The following PREX1 variants were observed in gnomAD, a reference collection of about 807,000 sequenced individuals.
The protein encoded by PREX1 is phosphatidylinositol-3,4,5-trisphosphate dependent Rac exchange factor 1.
In PREX1, 41 loss-of-function variants were observed where a neutral mutation model predicts 198.3. The observed-to-expected ratio is 0.21, with a 90% CI of 0.16 to 0.27. PREX1 has a LOEUF of 0.27. PREX1 is among the 10% of genes least tolerant of loss of function. The probability of loss-of-function intolerance (pLI) is 1.00; values close to 1 mark genes in which losing one functional copy is unlikely to be tolerated. For missense variants in PREX1, 1,620 were observed against 2,200.7 expected (o/e 0.74, Z 5.28); for synonymous variants, 843 against 887.2 (o/e 0.95, Z 0.89).
intron 29 of PREX1, among the ~76,000 whole-genome samples, chr20:48,640,904 T>C (rs189709406): frequency 6.9e-6 from 1 of 144,204 alleles, no homozygotes; most frequent in Admixed American, 6.9e-5. Context: ...GGTGGGTGGA[T>C]GGATAGATGG....
At chr20:48,804,361 T>C (rs1013097225) in intron 1 of PREX1, among the ~76,000 whole-genome samples, 1 of 151,368 alleles carries the variant, frequency 6.6e-6, no homozygotes, top group Non-Finnish European at 1.5e-5. Flanking sequence ...AGGGGGAGCA[T>C]GGGAGGAGGG....
At chr20:48,651,144 A>G in intron 22 of PREX1, 89 bp from the exon 23 acceptor site, 6 of 1,488,618 alleles carry the variant, frequency 4.0e-6, no homozygotes, top group Non-Finnish European at 5.4e-6. Flanking sequence ...TACTACTCGT[A>G]ATACCCCCCG....
At chr20:48,857,547 G>T in the PREX1 span, among the ~76,000 whole-genome samples, 5 of 150,872 alleles carry the variant, frequency 3.3e-5, no homozygotes, top group Non-Finnish European at 5.9e-5. Flanking sequence ...AAAAAAACCA[G>T]CCTTGAGCTC....
At chr20:48,789,755 T>G (rs1160439431) in intron 1 of PREX1, among the ~76,000 whole-genome samples, 1 of 152,206 alleles carries the variant, frequency 6.6e-6, no homozygotes, top group Non-Finnish European at 1.5e-5. Context: ...GGTATTTGAA[T>G]ATTATACAAA....
At chr20:48,834,013 G>A in the PREX1 span, among the ~76,000 whole-genome samples, 5 of 151,960 alleles carry the variant, frequency 3.3e-5, no homozygotes, top group Non-Finnish European at 5.9e-5. Context: ...CCCGGGAGGC[G>A]GAGATTGCAG....
chr20:48,672,505 C>T (rs2089682136), intron 14 of PREX1, among the ~76,000 whole-genome samples: 1 of 152,256 alleles, frequency 6.6e-6, no homozygotes, highest in East Asian at 1.9e-4. Flanking sequence ...ACACACACTG[C>T]TCCTGTACTC....
intron 7 of PREX1, among the ~76,000 whole-genome samples, chr20:48,699,080 G>A (rs529668470): frequency 2.8e-4 from 42 of 152,282 alleles, no homozygotes; most frequent in African/African-American, 9.1e-4. Flanking sequence ...GGAGGACAGT[G>A]GGAAGCCCAC....
intron 15 of PREX1, among the ~76,000 whole-genome samples, chr20:48,664,190 C>A (rs560199383): frequency 1.3e-5 from 2 of 152,134 alleles, no homozygotes; most frequent in Non-Finnish European, 2.9e-5. Context: ...CTGGCTAACA[C>A]GGTGAAATGC....
intron 1 of PREX1, among the ~76,000 whole-genome samples, chr20:48,780,122 G>A (rs1258442359): frequency 1.3e-5 from 2 of 152,216 alleles, no homozygotes; most frequent in Non-Finnish European, 2.9e-5. Flanking sequence ...TATAGATTGT[G>A]TAAGTGTCTA....
intron 5 of PREX1, among the ~76,000 whole-genome samples, chr20:48,716,390 C>A (rs573432421): frequency 5.6e-4 from 85 of 152,324 alleles, no homozygotes; most frequent in Admixed American, 1.2e-3. Context: ...GTCATCAGCT[C>A]CCAGCATGGC....
At chr20:48,722,284 G>A (rs2089989791) in intron 5 of PREX1, among the ~76,000 whole-genome samples, 1 of 152,202 alleles carries the variant, frequency 6.6e-6, no homozygotes, top group Non-Finnish European at 1.5e-5. Context: ...CCACAAAAAG[G>A]AAGGAGGCAC....
At chr20:48,826,352 C>T (rs898187758) in intron 1 of PREX1, among the ~76,000 whole-genome samples, 4 of 152,182 alleles carry the variant, frequency 2.6e-5, no homozygotes, top group African/African-American at 9.7e-5. Flanking sequence ...CCTCCACCCG[C>T]TGGCCACTTT....
At chr20:48,678,761 A>AT (rs1337025346) in intron 13 of PREX1, among the ~76,000 whole-genome samples, 1 of 152,344 alleles carries the variant, frequency 6.6e-6, no homozygotes, top group African/African-American at 2.4e-5. Flanking sequence ...TCCACGATTG[A>AT]GAGGCCTCCC....
intron 18 of PREX1, 81 bp from the exon 19 acceptor site, chr20:48,655,456 G>T: frequency 8.2e-7 from 1 of 1,216,812 alleles, no homozygotes; most frequent in Non-Finnish European, 1.1e-6. Context: ...CCAACCCAGA[G>T]ACTTTCTGCC....
intron 32 of PREX1, among the ~76,000 whole-genome samples, chr20:48,634,998 G>A (rs1406990689): frequency 1.3e-5 from 2 of 152,130 alleles, no homozygotes; most frequent in East Asian, 3.9e-4. Flanking sequence ...TTAATTCACT[G>A]AGTGATCCTA....
intron 10 of PREX1, among the ~76,000 whole-genome samples, chr20:48,687,502 C>T (rs2089792111): frequency 1.3e-5 from 2 of 152,262 alleles, no homozygotes; most frequent in Admixed American, 6.5e-5. Context: ...TCAAGCCTGG[C>T]CCACACAACC....
At chr20:48,696,614 T>TACAC (rs748739044) in intron 7 of PREX1, among the ~76,000 whole-genome samples, 1,423 of 76,024 alleles carry the variant, frequency 0.019, 9 homozygotes, top group Non-Finnish European at 0.026. Flanking sequence ...CACACATACA[T>TACAC]ACATACATAC....
chr20:48,767,669 T>G (rs2090215199), intron 1 of PREX1, among the ~76,000 whole-genome samples: 1 of 152,192 alleles, frequency 6.6e-6, no homozygotes, highest in Non-Finnish European at 1.5e-5. Flanking sequence ...CACGCTGTAC[T>G]TTCCCGACAT....
Position 48,684,816 on chromosome 20 carries a change from C to T in PREX1, c.1335-3481G>A, listed in dbSNP as rs546790671. ...TCCTGCCCCTCTGACCACTCAGGCT[C>T]CAGCCACAATGGCCTCCTCCTGTTC... On this transcript the variant is annotated intron_variant, in intron 10 of 39. Coordinates refer to ENST00000371941, the MANE Select transcript of PREX1 (RefSeq NM_020820.4). This position sits in a 1 kb window ranked among gnomAD's most constrained non-coding sequence, Gnocchi z 4.2. Among the ~76,000 whole-genome samples the T allele has an allele frequency of 2.6e-5, 4 of 152,328 alleles. No homozygotes were observed. The South Asian group carries it at 8.3e-4, about 32-fold the overall frequency.
Sources: gnomAD v4.1 joint callset for allele counts (sites outside exome capture counted in the v4.1 genomes callset) on GRCh38, gnomAD v4.1.1 for gene constraint, Gnocchi (gnomAD v3.1) non-coding constraint, MANE v1.5 for transcripts, NCBI Gene and HGNC (gene_info 2026-07-23, HGNC 2026-07-21) for gene names.